The following DENND1A variants were observed in gnomAD, a reference collection of about 807,000 sequenced individuals.
DENND1A encodes DENN domain containing 1A.
Under a neutral mutation model 113.7 loss-of-function variants are expected in DENND1A, and 51 were observed. That is an observed-to-expected ratio of 0.45 (90% CI 0.36 to 0.57). DENND1A has a LOEUF of 0.57. DENND1A is among the 20% of genes least tolerant of loss of function. The pLI is 0.00. For missense variants in DENND1A, 1,258 were observed against 1,395.9 expected, an observed-to-expected ratio of 0.90 and a Z score of 1.57; for synonymous variants, 565 against 570.8, an observed-to-expected ratio of 0.99 and a Z score of 0.14.
At chr9:123,586,343 G>A (rs1388232362) in intron 11 of DENND1A, among the ~76,000 whole-genome samples, 1 of 152,154 alleles carries the variant, frequency 6.6e-6, no homozygotes, top group African/African-American at 2.4e-5. Flanking sequence ...GCCCTTGTAG[G>A]CTCTCCACGG....
intron 1 of DENND1A, among the ~76,000 whole-genome samples, chr9:123,907,537 T>C (rs1355893177): frequency 7.9e-5 from 11 of 139,178 alleles, no homozygotes; most frequent in Non-Finnish European, 1.4e-4. Context: ...TCACAAGCAT[T>C]CTTATACACC....
intron 13 of DENND1A, among the ~76,000 whole-genome samples, chr9:123,527,335 T>C (rs985794972): frequency 9.2e-5 from 14 of 152,210 alleles, no homozygotes; most frequent in African/African-American, 3.4e-4. Context: ...TGTGTATTCA[T>C]ATAACTTCCC....
chr9:123,703,679 C>T (rs7857196), intron 5 of DENND1A, among the ~76,000 whole-genome samples: 49,870 of 151,854 alleles, frequency 0.33, 9,451 homozygotes, highest in African/African-American at 0.53. Context: ...CTCAAAAATG[C>T]TACGCTGAGC....
intron 2 of DENND1A, among the ~76,000 whole-genome samples, chr9:123,852,902 TTTC>T (rs1185568329): frequency 6.6e-6 from 1 of 151,618 alleles, no homozygotes; most frequent in Non-Finnish European, 1.5e-5. Flanking sequence ...ATTGTTTTTC[TTTC>T]TTTTTTTTTT....
In DENND1A at chr9:123,440,069, G is replaced by A. The variant is rs1588537032; in HGVS notation, c.1488+291C>T. 4 of 236,392 alleles carry A rather than the reference G, an allele frequency of 1.7e-5. No homozygotes were observed. In the East Asian group the frequency reaches 4.5e-4, roughly 27 times the overall value. 14.6% of individuals were successfully genotyped at this position (236,392 alleles called of 1,614,324 possible). A position where few individuals can be genotyped will look rare whatever the true frequency, so the allele number is the denominator to read the frequency against. ...CTAATGAGATGCTTAGCTAACAGAG[G>A]CACCTTAAGCAGAGTGCCTTGGAGT... On this transcript the variant is annotated intron_variant, in intron 19 of 23. Coordinates refer to ENST00000394215, the MANE Select transcript of DENND1A (RefSeq NM_001352964.2).
chr9:123,726,417 C>A (rs563016677), intron 5 of DENND1A, among the ~76,000 whole-genome samples: 164 of 152,336 alleles, frequency 1.1e-3, no homozygotes, highest in Middle Eastern at 6.8e-3. Context: ...CTGCCTCTCC[C>A]TATCACACGA....
At chr9:123,517,659 A>G (rs1048470410) in intron 13 of DENND1A, among the ~76,000 whole-genome samples, 2 of 152,138 alleles carry the variant, frequency 1.3e-5, no homozygotes, top group Non-Finnish European at 2.9e-5. Flanking sequence ...AAACAAACAA[A>G]AAAAACAAGA....
In DENND1A at chr9:123,456,243, C is replaced by T. The variant is rs150200094; in HGVS notation, c.1186+1105G>A. Among the ~76,000 whole-genome samples the T allele has an allele frequency of 1.9e-3, 282 of 152,138 alleles. 3 individuals carry two copies. Among genetic ancestry groups the T allele is most frequent in the African/African-American group, 6.6e-3 (273 of 41,508 alleles). On this transcript the variant is annotated intron_variant, in intron 15 of 23. Transcript: ENST00000394215. ...CACAGTAGTCCAGAATAGACACACA[C>T]CCAGCAATAAAAGGGGGCCAGCAGC...
chr9:123,517,498 A>T (rs1162104610), intron 13 of DENND1A, among the ~76,000 whole-genome samples: 2 of 151,828 alleles, frequency 1.3e-5, no homozygotes, highest in African/African-American at 2.4e-5. Flanking sequence ...GTGCGCCTGA[A>T]TTCCCAGTTA....
intron 1 of DENND1A, among the ~76,000 whole-genome samples, chr9:123,881,316 C>T (rs928025494): frequency 2.2e-4 from 33 of 152,146 alleles, no homozygotes; most frequent in African/African-American, 7.7e-4. Context: ...CATATGCAAA[C>T]ACCCCTTTCA....
intron 10 of DENND1A, among the ~76,000 whole-genome samples, chr9:123,620,213 C>CAAAAAAAAAA (rs34196587): frequency 6.3e-4 from 37 of 58,982 alleles, no homozygotes; most frequent in African/African-American, 1.7e-3. Flanking sequence ...GACTCCATCT[C>CAAAAAAAAAA]AAAAAAAAAA....
chr9:123,853,008 G>A (rs1240400870), intron 2 of DENND1A, among the ~76,000 whole-genome samples: 3 of 151,076 alleles, frequency 2.0e-5, no homozygotes, highest in African/African-American at 4.9e-5. Flanking sequence ...AACCTCCACC[G>A]CCTGGGTTAA....
rs2057635303 is a variant in DENND1A at position 123,559,836 on chromosome 9, T to A, written c.868-2141A>T. Among the ~76,000 whole-genome samples the A allele has an allele frequency of 2.0e-5, 3 of 152,274 alleles. No homozygotes were observed. In the South Asian group the frequency reaches 6.2e-4, roughly 32 times the overall value. ...ATTAGCTGTCACTCCCCATTACCTA[T>A]CAATTTTTCCCCCACACCAGACCCA... On this transcript the variant is annotated intron_variant, in intron 12 of 23. Transcript: ENST00000394215.
At chr9:123,395,468 C>CTCTCTCTCTGTGTG (rs367751848) in intron 21 of DENND1A, among the ~76,000 whole-genome samples, 2 of 142,890 alleles carry the variant, frequency 1.4e-5, no homozygotes, top group African/African-American at 5.4e-5. Context: ...CTCTCTCTCT[C>CTCTCTCTCTGTGTG]TGTGTGTGTG....
In DENND1A at chr9:123,421,158, G is replaced by A. The variant is rs1430592332; in HGVS notation, c.1489-9329C>T. Among the ~76,000 whole-genome samples the A allele has an allele frequency of 6.7e-5, 10 of 149,896 alleles. No homozygotes were observed. In the South Asian group the frequency reaches 1.8e-3, roughly 26 times the overall value. On this transcript the variant is annotated intron_variant, in intron 19 of 23. Transcript: ENST00000394215. ...GAGGTTAGAGGGGCTTCCAGATGTTGGGGGAAATGATCTCCTCTCTGGGGC... is the reference window on the plus strand; with the variant it reads ...GAGGTTAGAGGGGCTTCCAGATGTTAGGGGAAATGATCTCCTCTCTGGGGC...
chr9:123,869,621 C>T lies in DENND1A; in HGVS notation c.88+9330G>A, dbSNP rs904299167. On this transcript the variant is annotated intron_variant, in intron 2 of 23. Transcript: ENST00000394215. ...CTTTTTCTAACTAGCATGTCAAGTA[C>T]TCAGAGCCAGGAAAATTTACAAAAA... Among the ~76,000 whole-genome samples, 45 of 152,198 alleles carry T rather than the reference C, an allele frequency of 3.0e-4. 1 individual carries two copies. Among genetic ancestry groups the T allele is most frequent in the Admixed American group, 2.9e-3 (45 of 15,280 alleles).
chr9:123,686,963 A>G (rs1373954496), intron 5 of DENND1A, among the ~76,000 whole-genome samples: 1 of 152,184 alleles, frequency 6.6e-6, no homozygotes, highest in Non-Finnish European at 1.5e-5. Context: ...ATCTCTCTAT[A>G]AAAGTGTCTG....
intron 21 of DENND1A, among the ~76,000 whole-genome samples, chr9:123,394,367 G>A (rs2043011143): frequency 6.6e-6 from 1 of 152,036 alleles, no homozygotes; most frequent in Admixed American, 6.6e-5. Context: ...GTCCGGGTGG[G>A]GAGTTCAAGA....
chr9:123,657,001 C>A (rs1372005530), intron 8 of DENND1A, among the ~76,000 whole-genome samples: 1 of 152,188 alleles, frequency 6.6e-6, no homozygotes, highest in African/African-American at 2.4e-5. Context: ...TCTCTTCTGG[C>A]CACACTCTCT....
Sources: allele counts gnomAD v4.1 joint callset (sites outside exome capture counted in the v4.1 genomes callset), GRCh38; gene constraint gnomAD v4.1.1; transcripts MANE v1.5; gene names NCBI Gene and HGNC (gene_info 2026-07-23, HGNC 2026-07-21).